CALN1: variants seen among roughly 807,000 people sequenced by gnomAD.
CALN1 encodes calcium-binding protein 8.
CALN1 carries 17 observed loss-of-function variants against 30.6 expected under a neutral mutation model. The ratio of observed to expected loss-of-function variants is 0.56; its 90% CI spans 0.38 to 0.83. The LOEUF (loss-of-function observed/expected upper bound fraction) is 0.83. CALN1 is among the 40% of genes least tolerant of loss of function. The pLI, the probability that CALN1 is intolerant of heterozygous loss-of-function variation, is 0.00. For missense variants in CALN1, 291 were observed against 354.9 expected (o/e 0.82, Z 1.45); for synonymous variants, 156 against 131.4 (o/e 1.19, Z -1.28).
chr7:72,147,211 T>C (rs968204198), intron 3 of CALN1, among the ~76,000 whole-genome samples: 10 of 152,086 alleles, frequency 6.6e-5, no homozygotes, highest in Non-Finnish European at 7.4e-5. Context: ...ATTTTTGCAA[T>C]CTACTCATCT....
At chr7:72,251,177 C>G (rs1338815530) in intron 3 of CALN1, among the ~76,000 whole-genome samples, 4 of 152,190 alleles carry the variant, frequency 2.6e-5, no homozygotes, top group Non-Finnish European at 5.9e-5. Context: ...CCCTTCAATT[C>G]TGCTTCTGAT....
upstream of CALN1, among the ~76,000 whole-genome samples, chr7:72,449,084 A>G (rs867517049): frequency 3.3e-5 from 5 of 151,988 alleles, no homozygotes; most frequent in Non-Finnish European, 5.9e-5. Flanking sequence ...CTCTACTAAG[A>G]GCATGCATTT....
At chr7:72,266,156 C>T (rs1172622002) in intron 3 of CALN1, among the ~76,000 whole-genome samples, 2 of 151,574 alleles carry the variant, frequency 1.3e-5, no homozygotes, top group Non-Finnish European at 2.9e-5. Flanking sequence ...AAAAACTAAA[C>T]TACAATGTAC....
chr7:72,479,552 A>ATT, the CALN1 span, among the ~76,000 whole-genome samples: 5,195 of 130,722 alleles, frequency 0.04, 396 homozygotes, highest in African/African-American at 0.14. Context: ...TTATAGCACA[A>ATT]TTTTTTTTTT....
At chr7:71,806,753 G>A (rs887784530) in intron 6 of CALN1, among the ~76,000 whole-genome samples, 2 of 152,136 alleles carry the variant, frequency 1.3e-5, no homozygotes, top group South Asian at 2.1e-4. Flanking sequence ...ACCAAAGAAT[G>A]CAGTTTCCAC....
At chr7:71,879,581 T>C (rs1792448212) in intron 5 of CALN1, among the ~76,000 whole-genome samples, 2 of 152,116 alleles carry the variant, frequency 1.3e-5, no homozygotes, top group South Asian at 4.1e-4. Context: ...CTGGGCTGAG[T>C]GCAGGATAGC....
At chr7:72,420,723 A>C (rs1317327541) in intron 1 of CALN1, among the ~76,000 whole-genome samples, 1 of 147,918 alleles carries the variant, frequency 6.8e-6, no homozygotes, top group Non-Finnish European at 1.5e-5. Flanking sequence ...TCCCGGGTTC[A>C]CGCCATTCTC....
chr7:72,012,800 T>G (rs844712), intron 5 of CALN1, among the ~76,000 whole-genome samples: 28,148 of 151,992 alleles, frequency 0.19, 4,720 homozygotes, highest in African/African-American at 0.44. Context: ...TTTATTTATT[T>G]ATTGATTGAT....
At chr7:72,402,139 T>C (rs1220769416) in intron 2 of CALN1, among the ~76,000 whole-genome samples, 2 of 151,918 alleles carry the variant, frequency 1.3e-5, no homozygotes, top group East Asian at 3.8e-4. Flanking sequence ...TTCCAGATGC[T>C]TCCTCAGAGG....
intron 6 of CALN1, among the ~76,000 whole-genome samples, chr7:71,803,676 T>C (rs1787437478): frequency 2.6e-5 from 4 of 152,056 alleles, no homozygotes; most frequent in Admixed American, 2.0e-4. Context: ...GGTTTCGCCA[T>C]GTTGGCCAGG....
intron 2 of CALN1, among the ~76,000 whole-genome samples, chr7:72,314,398 C>CATATATATATACAT (rs765201771): frequency 1.7e-5 from 2 of 119,324 alleles, no homozygotes; most frequent in Non-Finnish European, 4.0e-5. Flanking sequence ...TATATATACA[C>CATATATATATACAT]ATATATACAC....
chr7:72,179,898 A>G (rs561631292), intron 3 of CALN1, among the ~76,000 whole-genome samples: 2 of 152,358 alleles, frequency 1.3e-5, no homozygotes, highest in African/African-American at 4.8e-5. Context: ...GCTTATTAAC[A>G]AAAGACATAA....
chr7:72,127,336 G>GA (rs1459956787), intron 3 of CALN1, among the ~76,000 whole-genome samples: 4 of 152,088 alleles, frequency 2.6e-5, no homozygotes, highest in Admixed American at 2.6e-4. Flanking sequence ...GGCAGGGAGA[G>GA]AAAAACAGGT....
the CALN1 span, among the ~76,000 whole-genome samples, chr7:72,478,060 C>T: frequency 1.3e-5 from 2 of 151,808 alleles, no homozygotes; most frequent in African/African-American, 4.8e-5. Context: ...TCAGAATAAG[C>T]ATGTAATAAA....
intron 2 of CALN1, among the ~76,000 whole-genome samples, chr7:72,371,912 G>C (rs528413340): frequency 3.8e-4 from 58 of 152,134 alleles, no homozygotes; most frequent in Non-Finnish European, 7.3e-4. Context: ...GCAGCTATTC[G>C]AGAACTCTGA....
At chr7:72,026,624 C>T (rs759518268) in intron 4 of CALN1, among the ~76,000 whole-genome samples, 1 of 151,950 alleles carries the variant, frequency 6.6e-6, no homozygotes, top group East Asian at 2.0e-4. Context: ...CTATGTTGCC[C>T]AGGCTGGTCT....
At chr7:72,048,309 G>A (rs1802611756) in intron 4 of CALN1, among the ~76,000 whole-genome samples, 1 of 152,112 alleles carries the variant, frequency 6.6e-6, no homozygotes, top group African/African-American at 2.4e-5. Context: ...AAAATGCTGG[G>A]ATTACAGGCG....
chr7:72,176,495 T>C (rs1371738672), intron 3 of CALN1, among the ~76,000 whole-genome samples: 1 of 151,980 alleles, frequency 6.6e-6, no homozygotes, highest in East Asian at 1.9e-4. Flanking sequence ...GATAATGAGA[T>C]CTGGTTATTA....
chr7:72,027,737 A>AG (rs1801163713), intron 4 of CALN1, among the ~76,000 whole-genome samples: 7 of 142,726 alleles, frequency 4.9e-5, no homozygotes, highest in African/African-American at 2.0e-4. Flanking sequence ...ACACACACAC[A>AG]CACACACACA....
Sources: gnomAD v4.1 joint callset for allele counts (sites outside exome capture counted in the v4.1 genomes callset) on GRCh38, gnomAD v4.1.1 for gene constraint, MANE v1.5 for transcripts, NCBI Gene and HGNC (gene_info 2026-07-23, HGNC 2026-07-21) for gene names.